Variants in ZNF236 observed in about 807,000 individuals in gnomAD.
The protein encoded by ZNF236 is regulated by glucose.
In ZNF236, 50 loss-of-function variants were observed where a neutral mutation model predicts 191.2. That is an observed-to-expected ratio of 0.26 (90% CI 0.21 to 0.33). The LOEUF is 0.33. Among genes scored for constraint, ZNF236 ranks in the 10% least tolerant of loss-of-function variants. The pLI is 1.00. For synonymous variants in ZNF236, 907 were observed against 928.8 expected, an observed-to-expected ratio of 0.98 and a Z score of 0.43; for missense variants, 1,754 against 2,374.5, an observed-to-expected ratio of 0.74 and a Z score of 5.43.
chr18:76,893,415 G>A (rs749006186), intron 9 of ZNF236, among the ~76,000 whole-genome samples: 2 of 152,022 alleles, frequency 1.3e-5, no homozygotes, highest in African/African-American at 2.4e-5. Flanking sequence ...TTTTACCCCC[G>A]TGATTTGTGT....
rs1175626298 is a variant in ZNF236 at position 76,949,756 on chromosome 18, T to A, written c.4914+2104T>A. Among the ~76,000 whole-genome samples, 4 of 151,936 alleles carry A rather than the reference T, an allele frequency of 2.6e-5. No individual in the cohort carries two copies. The South Asian group carries it at 8.3e-4, about 32-fold the overall frequency. On this transcript the variant is annotated intron_variant, in intron 27 of 30. Transcript: ENST00000320610. The stretch of plus-strand genomic sequence containing the variant: ...TCACTGCAACCTCCGCCTCCTGGGT[T>A]CAAGTGATTCTCCTGCCTCAGCCTC...
At chr18:76,894,284 T>G (rs1047829276) in intron 9 of ZNF236, among the ~76,000 whole-genome samples, 1 of 152,186 alleles carries the variant, frequency 6.6e-6, no homozygotes, top group Non-Finnish European at 1.5e-5. Context: ...CTGAGAGGGG[T>G]GAGGGAGACA....
chr18:76,847,261 G>A (rs974701957), intron 1 of ZNF236, among the ~76,000 whole-genome samples: 4 of 152,022 alleles, frequency 2.6e-5, no homozygotes, highest in African/African-American at 9.7e-5. Flanking sequence ...TTGCATTTCA[G>A]AAATTAAGTT....
At position 76,864,136 on chromosome 18, in the gene ZNF236, G is replaced by A. The variant is rs1341410650; in HGVS notation, c.364-4549G>A. Among the ~76,000 whole-genome samples, 8 of 151,662 alleles carry A rather than the reference G, an allele frequency of 5.3e-5. No homozygotes were observed. In the East Asian group the frequency reaches 1.4e-3, roughly 26 times the overall value. On this transcript the variant is annotated intron_variant, in intron 3 of 30. Coordinates refer to ENST00000320610, the MANE Select transcript of ZNF236 (RefSeq NM_001306089.2). ...CCTAGGTCTCCATCTGCCAGCCCACGCTGCAGATTTGGGGCTTGTCAGCCT... is the reference window on the plus strand; with the variant it reads ...CCTAGGTCTCCATCTGCCAGCCCACACTGCAGATTTGGGGCTTGTCAGCCT...
intron 1 of ZNF236, among the ~76,000 whole-genome samples, chr18:76,827,343 G>C (rs1299092914): frequency 6.6e-6 from 1 of 151,996 alleles, no homozygotes; most frequent in Non-Finnish European, 1.5e-5. Context: ...ATGCCACCAT[G>C]CCCGGCTAAT....
intron 1 of ZNF236, among the ~76,000 whole-genome samples, chr18:76,844,977 A>G (rs1399238991): frequency 6.6e-6 from 1 of 152,176 alleles, no homozygotes. Flanking sequence ...CGTGGTCCTA[A>G]GTTATTGGCA....
chr18:76,939,423 A>G (rs904541542), intron 26 of ZNF236, among the ~76,000 whole-genome samples: 1 of 152,184 alleles, frequency 6.6e-6, no homozygotes. Flanking sequence ...CATGATGATT[A>G]TGGTGGACCA....
At chr18:76,961,333 A>C (rs1968661605) in intron 30 of ZNF236, among the ~76,000 whole-genome samples, 2 of 151,242 alleles carry the variant, frequency 1.3e-5, no homozygotes, top group South Asian at 2.1e-4. Context: ...AGATGCTATT[A>C]ATTCATTCCT....
chr18:76,915,636 T>C lies in ZNF236; in HGVS notation c.3062-11T>C. 1.2e-6 allele frequency: 2 copies of C among 1,613,156 alleles called. No homozygotes were observed. Among genetic ancestry groups the C allele is most frequent in the Non-Finnish European group, 1.7e-6 (2 of 1,179,880 alleles). ...TGGTTCCAGCCGTTTTTTCTGTTTC[T>C]GTGCTTGCAGGAGTGAAGGCGTTCA... is the stretch of plus-strand genomic sequence containing the variant. On this transcript the variant is annotated splice_polypyrimidine_tract_variant and intron_variant, in intron 18 of 30. Coordinates refer to ENST00000320610, the MANE Select transcript of ZNF236 (RefSeq NM_001306089.2).
intron 3 of ZNF236, among the ~76,000 whole-genome samples, chr18:76,865,283 G>A (rs1976375144): frequency 6.6e-6 from 1 of 152,158 alleles, no homozygotes. Flanking sequence ...GTTGCAGTGA[G>A]CTGAGATCAT....
At chr18:76,872,099 G>T (rs1462127292) in intron 5 of ZNF236, among the ~76,000 whole-genome samples, 2 of 152,144 alleles carry the variant, frequency 1.3e-5, no homozygotes, top group Non-Finnish European at 2.9e-5. Context: ...AATAATTGGG[G>T]GTTGATGTTA....
intron 20 of ZNF236, among the ~76,000 whole-genome samples, chr18:76,922,702 G>A (rs1481084636): frequency 1.3e-5 from 2 of 151,904 alleles, no homozygotes; most frequent in African/African-American, 2.4e-5. Context: ...GATTACAGGC[G>A]CCTGCCACCA....
intron 30 of ZNF236, among the ~76,000 whole-genome samples, chr18:76,962,803 TTTTG>T (rs947092467): frequency 2.0e-5 from 3 of 152,248 alleles, no homozygotes; most frequent in African/African-American, 4.8e-5. Context: ...CTAAGTTTTT[TTTTG>T]TTTGTTTGTT....
chr18:76,909,987 G>T, intron 14 of ZNF236, 81 bp from the exon 15 acceptor site: 1 of 1,041,292 alleles, frequency 9.6e-7, no homozygotes, highest in Non-Finnish European at 1.4e-6. Flanking sequence ...AAAACTCGCC[G>T]AAGTGTACTT....
intron 1 of ZNF236, among the ~76,000 whole-genome samples, chr18:76,847,321 G>A (rs533807140): frequency 6.6e-6 from 1 of 152,130 alleles, no homozygotes; most frequent in South Asian, 2.1e-4. Context: ...ACTTGTAACT[G>A]TGTTCTGAAA....
At position 76,917,399 on chromosome 18, in the gene ZNF236, G is replaced by T. The variant is rs114239210; in HGVS notation, c.3274+1540G>T. On this transcript the variant is annotated intron_variant, in intron 19 of 30. Coordinates refer to ENST00000320610, the MANE Select transcript of ZNF236 (RefSeq NM_001306089.2). ...CCTGTCAATTAATAAAGCTTCTAAT[G>T]CTACTGAATTCTAGCATCGATTTGG... Among the ~76,000 whole-genome samples the T allele has an allele frequency of 6.0e-3, 919 of 152,248 alleles. 5 individuals are homozygous for T. Among genetic ancestry groups the T allele is most frequent in the African/African-American group, 0.021 (867 of 41,546 alleles).
At position 76,960,835 on chromosome 18, in the gene ZNF236, A is replaced by C; in HGVS notation, c.5399A>C (p.Lys1800Thr). ...TQKSNMKLHM[K>T]RAHSYAGALQ... ...AAGAGCAACATGAAGCTGCACATGA[A>C]GCGGGCGCACAGCTATGCTGGTGAG... Residue 1800 changes from lysine to threonine, a missense_variant, in exon 30 of 31, where the codon AAG (lysine) becomes ACG (threonine). Lys to Thr is a moderately conservative substitution (Grantham distance 78). This residue lies in a region of ZNF236 where 606 missense variants were observed against 761.5 expected (regional missense o/e 0.80). Transcript: ENST00000320610. This position sits in a 1 kb window ranked among gnomAD's most constrained non-coding sequence, Gnocchi z 4.4. The C allele has an allele frequency of 1.9e-6, 3 of 1,613,516 alleles. No individual in the cohort carries two copies. Among genetic ancestry groups the C allele is most frequent in the South Asian group, 2.2e-5 (2 of 91,072 alleles).
At chr18:76,965,573 G>T (rs186959865) in intron 30 of ZNF236, among the ~76,000 whole-genome samples, 1 of 152,286 alleles carries the variant, frequency 6.6e-6, no homozygotes, top group Non-Finnish European at 1.5e-5. Flanking sequence ...TTGGTCCTAC[G>T]GGGTTCTCTT....
chr18:76,858,430 T>C (rs921210024), intron 3 of ZNF236, among the ~76,000 whole-genome samples: 2 of 152,212 alleles, frequency 1.3e-5, no homozygotes, highest in African/African-American at 4.8e-5. Flanking sequence ...CACTAAATAC[T>C]TCAGGATGTA....
Sources: gnomAD v4.1 joint callset for allele counts (sites outside exome capture counted in the v4.1 genomes callset) on GRCh38, gnomAD v4.1.1 for gene constraint, gnomAD v4.1.1 regional missense constraint, Gnocchi (gnomAD v3.1) non-coding constraint, MANE v1.5 for transcripts, NCBI Gene and HGNC (gene_info 2026-07-23, HGNC 2026-07-21) for gene names.